Variants in C1QBP observed in about 807,000 individuals in gnomAD.
The protein encoded by C1QBP is complement component 1 Q subcomponent-binding protein, mitochondrial.
A neutral mutation model predicts 29.4 loss-of-function variants in C1QBP; 24 were observed. That is an observed-to-expected ratio of 0.82 (90% CI 0.59 to 1.15). C1QBP has a LOEUF of 1.15. Among genes scored for constraint, C1QBP ranks in the 50% most tolerant of loss-of-function variants. The pLI is 0.00. For missense variants in C1QBP, 337 were observed against 355.8 expected (o/e 0.95, Z 0.43); for synonymous variants, 182 against 149.2 (o/e 1.22, Z -1.60).
At chr17:5,438,689 T>C in intron 1 of C1QBP, 153 bp downstream of exon 1, 1 of 1,481,792 alleles carries the variant, frequency 6.7e-7, no homozygotes, top group Admixed American at 2.1e-5. Context: ...ATAGGGGAGG[T>C]GGGGGAAATA....
At chr17:5,438,332 A>T in intron 1 of C1QBP, 59 bp from the exon 2 acceptor site, 1 of 1,577,400 alleles carries the variant, frequency 6.3e-7, no homozygotes, top group Non-Finnish European at 8.6e-7. Flanking sequence ...ACATAAAACT[A>T]TTACCCAGGT....
chr17:5,437,623 C>T (rs560955918), intron 2 of C1QBP, among the ~76,000 whole-genome samples: 16 of 152,280 alleles, frequency 1.1e-4, no homozygotes, highest in Non-Finnish European at 2.1e-4. Context: ...AATTTAAAAA[C>T]CTGGAAGATG....
Position 5,432,851 on chromosome 17 carries a change from AATG to A in C1QBP, c.*161_*163del. The A allele has an allele frequency of 2.1e-6, 2 of 949,114 alleles. No individual in the cohort carries two copies. Among genetic ancestry groups the A allele is most frequent in the Non-Finnish European group, 3.0e-6 (2 of 669,176 alleles). 58.8% of individuals were successfully genotyped at this position (949,114 alleles called of 1,614,324 possible). The stretch of plus-strand genomic sequence containing the variant: ...GAAATAATAGATTTGTACAGAAAAA[AATG>A]ATAATAAATGAGAACACAAAACATA... On this transcript the variant is annotated 3_prime_UTR_variant, in exon 6 of 6. Transcript: ENST00000225698.
chr17:5,433,780 G>C lies in C1QBP; in HGVS notation c.478-13C>G, dbSNP rs776692849. 2 of 1,608,220 alleles carry C rather than the reference G, an allele frequency of 1.2e-6. No individual in the cohort carries two copies. Among genetic ancestry groups the C allele is most frequent in the Non-Finnish European group, 1.7e-6 (2 of 1,174,562 alleles). On this transcript the variant is annotated splice_polypyrimidine_tract_variant and intron_variant, in intron 3 of 5. Transcript: ENST00000225698. ...ATGTCAGTTCAGGCTGGGGAAACAA[G>C]AAGTCAATACATGCTGCTGCTGGAA...
intron 2 of C1QBP, among the ~76,000 whole-genome samples, chr17:5,435,826 G>C (rs1221692657): frequency 1.4e-5 from 2 of 143,822 alleles, no homozygotes; most frequent in South Asian, 2.2e-4. Context: ...TCAAGAGATC[G>C]AGACCATCCT....
rs925307276 is a variant in C1QBP at position 5,439,123 on chromosome 17, A to G, written c.-50T>C. The G allele has an allele frequency of 6.5e-5, 99 of 1,533,674 alleles. No individual in the cohort carries two copies. The highest frequency in any genetic ancestry group is 8.1e-5 in the Non-Finnish European group (92 of 1,140,366). ...CAGATGCAAAGGACAACCCAGGCCT[A>G]GGCGCCCCGCGACCTGAGGCGCCGC... On this transcript the variant is annotated 5_prime_UTR_variant, in exon 1 of 6. Coordinates refer to ENST00000225698, the MANE Select transcript of C1QBP (RefSeq NM_001212.4).
chr17:5,436,653 CAG>C (rs1916279088), intron 2 of C1QBP, among the ~76,000 whole-genome samples: 1 of 151,662 alleles, frequency 6.6e-6, no homozygotes, highest in African/African-American at 2.4e-5. Flanking sequence ...AGATGGGAAA[CAG>C]TACTTACAAA....
Position 5,433,341 on chromosome 17 carries a change from A to G in C1QBP, c.651T>C (p.Ser217=), listed in dbSNP as rs1335120788. ...REVSFQSTGE[S]EWKDTNYTLN... ...GTGTATAATTAGTATCCTTCCATTC[A>G]GACTCGCCAGTGGACTGAAAGCTAA... Residue 217 remains serine (S), a synonymous_variant, in exon 5 of 6, where the codon TCT becomes TCC. Transcript: ENST00000225698. 6.2e-7 allele frequency: 1 copy of G among 1,614,188 alleles called. No individual in the cohort carries two copies. The highest frequency in any genetic ancestry group is 8.5e-7 in the Non-Finnish European group (1 of 1,180,040).
Position 5,439,041 on chromosome 17 carries a change from C to A in C1QBP, c.33G>T (p.Val11=), listed in dbSNP as rs935924257. 2.0e-6 allele frequency: 3 copies of A among 1,526,480 alleles called. No individual in the cohort carries two copies. The highest frequency in any genetic ancestry group is 2.6e-6 in the Non-Finnish European group (3 of 1,137,610). The allele number at this position is 1,526,480 out of a possible 1,614,324, so 94.6% of individuals were successfully genotyped here. MLPLLRCVPR[V]LGSSVAGLRA... ...GGAGGCCGGCGACGGAGGAGCCCAG[C>A]ACACGGGGCACGCAGCGCAGCAGAG... The change falls in exon 1 of 6, where the codon GTG becomes GTT. Residue 11 remains valine (V), a synonymous_variant. Transcript: ENST00000225698.
chr17:5,438,208 T>C lies in C1QBP; in HGVS notation c.298A>G (p.Lys100Glu), dbSNP rs762337806. The change falls in exon 2 of 6, where the codon AAA becomes GAA. Residue 100 changes from lysine (K) to glutamate (E), a missense_variant. Lys to Glu is a moderately conservative substitution (Grantham distance 56, BLOSUM62 1). Coordinates refer to ENST00000225698, the MANE Select transcript of C1QBP (RefSeq NM_001212.4). ...CCTCCAGACATCTTAGGGAGGGTTTTATGCTTCTGAATTTTTCTTTCCTCC... is the reference window on the plus strand; with the variant it reads ...CCTCCAGACATCTTAGGGAGGGTTTCATGCTTCTGAATTTTTCTTTCCTCC... ...IKEERKIQKH[K>E]TLPKMSGGWE... 3 of 1,614,142 alleles carry C rather than the reference T, an allele frequency of 1.9e-6. No individual in the cohort carries two copies. Among genetic ancestry groups the C allele is most frequent in the Non-Finnish European group, 2.5e-6 (3 of 1,180,040 alleles).
intron 2 of C1QBP, among the ~76,000 whole-genome samples, chr17:5,436,999 T>C (rs72839527): frequency 0.22 from 34,081 of 152,028 alleles, 4,552 homozygotes; most frequent in East Asian, 0.67. Context: ...AGAGCAAGAC[T>C]CCGTGGGGTT....
chr17:5,434,388 C>T (rs554186438), intron 3 of C1QBP, among the ~76,000 whole-genome samples: 7 of 151,968 alleles, frequency 4.6e-5, no homozygotes, highest in African/African-American at 1.7e-4. Flanking sequence ...CTAGGCTGGG[C>T]ACAGCACTTC....
chr17:5,438,440 A>G, intron 1 of C1QBP, 167 bp from the exon 2 acceptor site: 2 of 876,900 alleles, frequency 2.3e-6, no homozygotes, highest in South Asian at 1.9e-5. Flanking sequence ...TAATAGTAGT[A>G]GGAAGCTGAG....
At chr17:5,437,609 G>A (rs1472820800) in intron 2 of C1QBP, among the ~76,000 whole-genome samples, 1 of 152,204 alleles carries the variant, frequency 6.6e-6, no homozygotes, top group Non-Finnish European at 1.5e-5. Context: ...CCGCGCCCAG[G>A]CTCAATTTAA....
Position 5,432,876 on chromosome 17 carries a change from C to A in C1QBP, c.*139G>T. 1 of 1,051,326 alleles carries A rather than the reference C, an allele frequency of 9.5e-7. No homozygotes were observed. The highest frequency in any genetic ancestry group is 1.3e-6 in the Non-Finnish European group (1 of 753,726). 65.1% of individuals were successfully genotyped at this position (1,051,326 alleles called of 1,614,324 possible). A position where few individuals can be genotyped will look rare whatever the true frequency, so the allele number is the denominator to read the frequency against. On this transcript the variant is annotated 3_prime_UTR_variant, in exon 6 of 6. Coordinates refer to ENST00000225698, the MANE Select transcript of C1QBP (RefSeq NM_001212.4). ...AATGATAATAAATGAGAACACAAAA[C>A]ATATAATTTAAATTTGGTATTTTTT...
intron 4 of C1QBP, 122 bp downstream of exon 4, chr17:5,433,547 C>T: frequency 1.3e-6 from 2 of 1,510,396 alleles, no homozygotes; most frequent in South Asian, 2.3e-5. Flanking sequence ...ACCTCTCTCC[C>T]CCTGCTGGGC....
At chr17:5,436,724 TA>T (rs1374610820) in intron 2 of C1QBP, among the ~76,000 whole-genome samples, 1 of 147,460 alleles carries the variant, frequency 6.8e-6, no homozygotes, top group Non-Finnish European at 1.5e-5. Context: ...ACCCAACAAT[TA>T]AAAAGGTAAA....
At chr17:5,438,544 G>A in intron 1 of C1QBP, 3 of 699,156 alleles carry the variant, frequency 4.3e-6, no homozygotes, top group Non-Finnish European at 6.9e-6. Flanking sequence ...CTTGCCAAAC[G>A]ATATAACTAT....
rs957257243 is a variant in C1QBP, at chr17:5,439,126, C to T, written c.-53G>A. 4 of 1,532,880 alleles carry T rather than the reference C, an allele frequency of 2.6e-6. No homozygotes were observed. The highest frequency in any genetic ancestry group is 1.2e-5 in the South Asian group (1 of 83,422). 95.0% of individuals were successfully genotyped at this position (1,532,880 alleles called of 1,614,324 possible). On this transcript the variant is annotated 5_prime_UTR_variant, in exon 1 of 6. Coordinates refer to ENST00000225698, the MANE Select transcript of C1QBP (RefSeq NM_001212.4). ...ATGCAAAGGACAACCCAGGCCTAGG[C>T]GCCCCGCGACCTGAGGCGCCGCCGG...
Sources: allele counts gnomAD v4.1 joint callset (sites outside exome capture counted in the v4.1 genomes callset), GRCh38; gene constraint gnomAD v4.1.1; transcripts MANE v1.5; gene names NCBI Gene and HGNC (gene_info 2026-07-23, HGNC 2026-07-21).